The following COMMD10 variants were observed in gnomAD, a reference collection of about 807,000 sequenced individuals.
The protein encoded by COMMD10 is COMM domain-containing protein 10.
Under a neutral mutation model 28.9 loss-of-function variants are expected in COMMD10, and 33 were observed. The ratio of observed to expected loss-of-function variants is 1.14; its 90% confidence interval spans 0.87 to 1.53. The LOEUF is 1.53. Among genes scored for constraint, COMMD10 ranks in the 40% most tolerant of loss-of-function variants. COMMD10 has a pLI of 0.00. For synonymous variants in COMMD10, 110 were observed against 81.7 expected, an observed-to-expected ratio of 1.35 and a Z score of -1.87; for missense variants, 310 against 233.4, an observed-to-expected ratio of 1.33 and a Z score of -2.14.
chr5:116,110,486 G>A (rs1398790046), intron 4 of COMMD10, among the ~76,000 whole-genome samples: 2 of 152,108 alleles, frequency 1.3e-5, no homozygotes, highest in Non-Finnish European at 2.9e-5. Context: ...CTGTGAATCC[G>A]TCTGGTCCTG....
intron 5 of COMMD10, among the ~76,000 whole-genome samples, chr5:116,139,233 C>A (rs1752122226): frequency 6.6e-6 from 1 of 151,700 alleles, no homozygotes; most frequent in Non-Finnish European, 1.5e-5. Context: ...CTTTATTTGA[C>A]TAAGTTGAAA....
intron 5 of COMMD10, among the ~76,000 whole-genome samples, chr5:116,153,813 A>G (rs1305059980): frequency 6.6e-6 from 1 of 152,070 alleles, no homozygotes; most frequent in Non-Finnish European, 1.5e-5. Flanking sequence ...AACCCTCCTC[A>G]GGGTAGGTGA....
intron 5 of COMMD10, among the ~76,000 whole-genome samples, chr5:116,145,523 A>G (rs1752319783): frequency 6.6e-6 from 1 of 151,948 alleles, no homozygotes; most frequent in East Asian, 1.9e-4. Flanking sequence ...GATATTGTGT[A>G]TGTGTGTTCG....
intron 4 of COMMD10, among the ~76,000 whole-genome samples, chr5:116,107,103 C>T (rs111387757): frequency 0.021 from 3,190 of 151,992 alleles, 110 homozygotes; most frequent in African/African-American, 0.074. Context: ...TCTGGCTGCC[C>T]TTAACATTTT....
intron 1 of COMMD10, among the ~76,000 whole-genome samples, chr5:116,086,894 T>G (rs1264951833): frequency 6.6e-6 from 1 of 152,164 alleles, no homozygotes; most frequent in Non-Finnish European, 1.5e-5. Context: ...CAAGGATTCT[T>G]AGAACCCAGG....
At chr5:116,175,683 A>T (rs1333458479) in intron 5 of COMMD10, among the ~76,000 whole-genome samples, 2 of 152,152 alleles carry the variant, frequency 1.3e-5, no homozygotes, top group Admixed American at 6.6e-5. Flanking sequence ...ACGGGATATT[A>T]TTCGGTCATA....
chr5:116,261,706 C>T, intron 5 of COMMD10, among the ~76,000 whole-genome samples: 1 of 151,658 alleles, frequency 6.6e-6, no homozygotes, highest in East Asian at 1.9e-4. Context: ...TTCCTATCAA[C>T]AACCAGAATA....
chr5:116,094,149 A>T (rs550633513), intron 4 of COMMD10, among the ~76,000 whole-genome samples: 7 of 152,328 alleles, frequency 4.6e-5, no homozygotes, highest in African/African-American at 1.7e-4. Context: ...ACATGGACAA[A>T]AAACCCCAAA....
chr5:116,187,972 CTTTTCT>C (rs1304086553), intron 5 of COMMD10, among the ~76,000 whole-genome samples: 1 of 152,090 alleles, frequency 6.6e-6, no homozygotes, highest in Non-Finnish European at 1.5e-5. Context: ...CAAGTGACAG[CTTTTCT>C]TTTTCAAGTA....
chr5:116,246,119 A>G (rs1232602196), intron 5 of COMMD10, among the ~76,000 whole-genome samples: 3 of 152,180 alleles, frequency 2.0e-5, no homozygotes, highest in Non-Finnish European at 4.4e-5. Context: ...TTAAGCTGAT[A>G]AACAACTTCA....
intron 5 of COMMD10, among the ~76,000 whole-genome samples, chr5:116,253,569 C>G (rs1750187260): frequency 7.4e-6 from 1 of 135,716 alleles, no homozygotes; most frequent in Non-Finnish European, 1.6e-5. Context: ...TGGTTTTTGT[C>G]TTTGGCTCTG....
At chr5:116,136,670 G>A (rs370656626) in intron 5 of COMMD10, among the ~76,000 whole-genome samples, 8 of 152,166 alleles carry the variant, frequency 5.3e-5, no homozygotes, top group African/African-American at 1.9e-4. Flanking sequence ...TCAGGAAGAT[G>A]TGAATATCTA....
At chr5:116,215,161 G>T (rs1388331706) in intron 5 of COMMD10, among the ~76,000 whole-genome samples, 6 of 151,882 alleles carry the variant, frequency 4.0e-5, no homozygotes, top group Admixed American at 6.6e-5. Flanking sequence ...TCATTTTAAG[G>T]TATTAGCCTC....
chr5:116,229,603 A>AT (rs1001214381), intron 5 of COMMD10, among the ~76,000 whole-genome samples: 1 of 152,032 alleles, frequency 6.6e-6, no homozygotes, highest in African/African-American at 2.4e-5. Flanking sequence ...AGACAGTATG[A>AT]TTTTGCACTA....
intron 4 of COMMD10, among the ~76,000 whole-genome samples, chr5:116,106,106 T>C (rs999598104): frequency 1.3e-5 from 2 of 148,534 alleles, no homozygotes; most frequent in Middle Eastern, 6.9e-3. Context: ...TTATTTTTTT[T>C]TTTGTGTGGG....
intron 5 of COMMD10, among the ~76,000 whole-genome samples, chr5:116,198,361 A>G (rs930303154): frequency 5.9e-5 from 9 of 152,314 alleles, no homozygotes; most frequent in African/African-American, 2.2e-4. Flanking sequence ...ATTAAAAAAT[A>G]ATAAACTTTA....
chr5:116,274,192 G>C (rs957496818), intron 5 of COMMD10, among the ~76,000 whole-genome samples: 1 of 151,724 alleles, frequency 6.6e-6, no homozygotes, highest in South Asian at 2.1e-4. Flanking sequence ...ATCAACAACA[G>C]GTCTTTCTAA....
intron 5 of COMMD10, among the ~76,000 whole-genome samples, chr5:116,210,787 T>A (rs1407901488): frequency 6.6e-6 from 1 of 152,146 alleles, no homozygotes; most frequent in East Asian, 1.9e-4. Context: ...TTTATAGTGT[T>A]AGGATTTTTC....
chr5:116,247,228 C>T (rs919077850), intron 5 of COMMD10, among the ~76,000 whole-genome samples: 3 of 151,984 alleles, frequency 2.0e-5, no homozygotes, highest in African/African-American at 4.8e-5. Flanking sequence ...AAAAGCTCAA[C>T]ATCACTGATT....
Sources: allele counts gnomAD v4.1 joint callset (sites outside exome capture counted in the v4.1 genomes callset), GRCh38; gene constraint gnomAD v4.1.1; transcripts MANE v1.5; gene names NCBI Gene and HGNC (gene_info 2026-07-23, HGNC 2026-07-21).